TMEM135: variants seen among roughly 807,000 people sequenced by gnomAD.
TMEM135 encodes the protein peroxisomal membrane protein 52.
Under a neutral mutation model 60.3 loss-of-function variants are expected in TMEM135, and 30 were observed. That is an observed-to-expected ratio of 0.50 (90% CI 0.37 to 0.68). The LOEUF is 0.68. Among genes scored for constraint, TMEM135 ranks in the 30% least tolerant of loss-of-function variants. The pLI, the probability that TMEM135 is intolerant of heterozygous loss-of-function variation, is 0.00. For synonymous variants in TMEM135, 190 were observed against 186.7 expected (o/e 1.02, Z -0.14); for missense variants, 468 against 548.8 (o/e 0.85, Z 1.47).
chr11:87,076,266 C>T (rs757720711), intron 3 of TMEM135, among the ~76,000 whole-genome samples: 1 of 152,212 alleles, frequency 6.6e-6, no homozygotes, highest in South Asian at 2.1e-4. Context: ...CCTTCCCACT[C>T]TTCCCTCCCC....
chr11:87,308,842 G>GA (rs1942594182), intron 9 of TMEM135, among the ~76,000 whole-genome samples: 1 of 152,252 alleles, frequency 6.6e-6, no homozygotes, highest in African/African-American at 2.4e-5. Flanking sequence ...GAAATATAGA[G>GA]AAATGTTGAC....
At chr11:87,201,889 T>G (rs1038573229) in intron 5 of TMEM135, among the ~76,000 whole-genome samples, 1 of 152,144 alleles carries the variant, frequency 6.6e-6, no homozygotes, top group South Asian at 2.1e-4. Flanking sequence ...AAATCTGTCT[T>G]ATGATAAAGA....
chr11:87,266,529 G>A (rs1336270355), intron 6 of TMEM135, among the ~76,000 whole-genome samples: 1 of 152,084 alleles, frequency 6.6e-6, no homozygotes, highest in Non-Finnish European at 1.5e-5. Flanking sequence ...ATTCTTCAAG[G>A]ATTGGTTCTA....
chr11:87,046,407 A>G (rs1949796889), intron 1 of TMEM135, among the ~76,000 whole-genome samples: 2 of 152,210 alleles, frequency 1.3e-5, no homozygotes, highest in South Asian at 4.1e-4. Flanking sequence ...CAAATAAACA[A>G]ACAACAAAAC....
At position 87,157,390 on chromosome 11, in the gene TMEM135, C is replaced by T; in HGVS notation, c.446C>T (p.Thr149Ile). The part of the protein sequence containing the change: ...RMGVARGTIT[T>I]LRNGEVLLFC... ...GGTGTAGCAAGAGGAACCATCACAA[C>T]ATTAAGAAATGGAGAAGTAAGATGA... The change falls in exon 5 of 15, where the codon ACA (threonine) becomes ATA (isoleucine). Residue 149 changes from threonine to isoleucine, a missense_variant. Physicochemically the swap from Thr to Ile is moderately conservative, Grantham distance 89. Coordinates refer to ENST00000305494, the MANE Select transcript of TMEM135 (RefSeq NM_022918.4). The T allele has an allele frequency of 6.2e-7, 1 of 1,612,016 alleles. No individual in the cohort carries two copies. The highest frequency in any genetic ancestry group is 1.1e-5 in the South Asian group (1 of 90,670).
intron 9 of TMEM135, among the ~76,000 whole-genome samples, chr11:87,308,277 A>G (rs1309540457): frequency 6.6e-6 from 1 of 152,186 alleles, no homozygotes; most frequent in Non-Finnish European, 1.5e-5. Context: ...TCTTGAAAAT[A>G]GCATGAAAAA....
intron 5 of TMEM135, among the ~76,000 whole-genome samples, chr11:87,189,145 C>G (rs1939733955): frequency 6.6e-6 from 1 of 150,878 alleles, no homozygotes; most frequent in South Asian, 2.1e-4. Flanking sequence ...CTTTCCCTTT[C>G]CCTTTCCTTT....
chr11:87,183,718 G>A (rs554581533), intron 5 of TMEM135, among the ~76,000 whole-genome samples: 1 of 152,058 alleles, frequency 6.6e-6, no homozygotes, highest in South Asian at 2.1e-4. Flanking sequence ...CACTTTGGGA[G>A]GCTGAGGTGG....
intron 6 of TMEM135, among the ~76,000 whole-genome samples, chr11:87,257,214 A>G (rs938593621): frequency 2.0e-5 from 3 of 152,184 alleles, no homozygotes; most frequent in Non-Finnish European, 2.9e-5. Flanking sequence ...CTTAGATGAG[A>G]CTTTACTGAT....
chr11:87,133,494 T>C (rs1937996751), intron 4 of TMEM135, among the ~76,000 whole-genome samples: 1 of 152,200 alleles, frequency 6.6e-6, no homozygotes, highest in Non-Finnish European at 1.5e-5. Flanking sequence ...CATGTCAACT[T>C]TTTCTGAAGT....
chr11:87,130,112 G>A (rs1417256225), intron 4 of TMEM135, among the ~76,000 whole-genome samples: 2 of 116,700 alleles, frequency 1.7e-5, no homozygotes, highest in Non-Finnish European at 3.5e-5. Flanking sequence ...TGCAGTATAA[G>A]TACATTTTTA....
intron 10 of TMEM135, among the ~76,000 whole-genome samples, chr11:87,311,065 T>C (rs1422232556): frequency 1.3e-5 from 2 of 150,522 alleles, no homozygotes; most frequent in African/African-American, 2.4e-5. Context: ...TTAATAAATA[T>C]ATTGAAAGAA....
intron 5 of TMEM135, among the ~76,000 whole-genome samples, chr11:87,168,528 G>T (rs184008541): frequency 6.6e-6 from 1 of 152,230 alleles, no homozygotes; most frequent in Admixed American, 6.5e-5. Context: ...TGGTTTCAAA[G>T]AACTTATTTA....
intron 6 of TMEM135, among the ~76,000 whole-genome samples, chr11:87,261,776 C>T (rs988276632): frequency 4.6e-5 from 7 of 151,988 alleles, no homozygotes; most frequent in Non-Finnish European, 1.0e-4. Context: ...TGTGCACCAC[C>T]ACTCCTGTCT....
At chr11:87,256,753 T>C (rs549145904) in intron 6 of TMEM135, among the ~76,000 whole-genome samples, 6 of 152,296 alleles carry the variant, frequency 3.9e-5, no homozygotes, top group Admixed American at 3.9e-4. Flanking sequence ...ATCTCTTCTT[T>C]CAAAGACAAG....
At chr11:87,085,616 G>T (rs139147292) in intron 3 of TMEM135, among the ~76,000 whole-genome samples, 2 of 152,236 alleles carry the variant, frequency 1.3e-5, no homozygotes, top group African/African-American at 4.8e-5. Context: ...AATTAGCTGG[G>T]TGTGGTGGTG....
chr11:87,269,625 G>A (rs1042849537), intron 6 of TMEM135, among the ~76,000 whole-genome samples: 1 of 151,402 alleles, frequency 6.6e-6, no homozygotes, highest in African/African-American at 2.4e-5. Context: ...GATAGTTTAT[G>A]AGAAGGATGA....
At chr11:87,063,134 A>G (rs1949965906) in intron 1 of TMEM135, among the ~76,000 whole-genome samples, 1 of 152,246 alleles carries the variant, frequency 6.6e-6, no homozygotes, top group Non-Finnish European at 1.5e-5. Context: ...ATTTAGAGAT[A>G]ATCAGTGTAT....
intron 6 of TMEM135, among the ~76,000 whole-genome samples, chr11:87,253,459 G>A (rs1941460735): frequency 6.6e-6 from 1 of 151,836 alleles, no homozygotes; most frequent in Admixed American, 6.6e-5. Context: ...TGATGTCAAA[G>A]TTCAAAAGTG....
Sources: gnomAD v4.1 joint callset for allele counts (sites outside exome capture counted in the v4.1 genomes callset) on GRCh38, gnomAD v4.1.1 for gene constraint, MANE v1.5 for transcripts, NCBI Gene and HGNC (gene_info 2026-07-23, HGNC 2026-07-21) for gene names.